The following PDE11A variants were observed in gnomAD, a reference collection of about 807,000 sequenced individuals.
The protein encoded by PDE11A is phosphodiesterase 11A.
In PDE11A, 100 loss-of-function variants were observed where a neutral mutation model predicts 100.5. The observed-to-expected ratio is 1.00, with a 90% CI of 0.85 to 1.18. The LOEUF (loss-of-function observed/expected upper bound fraction) is 1.18. Among genes scored for constraint, PDE11A ranks in the 50% most tolerant of loss-of-function variants. The pLI is 0.00. For missense variants in PDE11A, 1,141 were observed against 1,152.6 expected (o/e 0.99, Z 0.15); for synonymous variants, 381 against 420.8 (o/e 0.91, Z 1.16).
chr2:177,849,729 G>A (rs1246741438), intron 5 of PDE11A, among the ~76,000 whole-genome samples: 1 of 151,318 alleles, frequency 6.6e-6, no homozygotes, highest in Admixed American at 6.6e-5. Context: ...GGTGGAGCTT[G>A]CAGTGAGCTG....
chr2:177,669,990 T>C (rs994074675), intron 17 of PDE11A, among the ~76,000 whole-genome samples: 1 of 152,254 alleles, frequency 6.6e-6, no homozygotes, highest in South Asian at 2.1e-4. Flanking sequence ...TTTTGTTGCA[T>C]ACTTTTATGT....
chr2:178,047,205 T>C (rs925029647), intron 1 of PDE11A, among the ~76,000 whole-genome samples: 2 of 152,154 alleles, frequency 1.3e-5, no homozygotes, highest in African/African-American at 2.4e-5. Context: ...CTCATGCCTG[T>C]AATCCCAACA....
intron 2 of PDE11A, among the ~76,000 whole-genome samples, chr2:178,082,078 C>G (rs2087292011): frequency 6.6e-6 from 1 of 152,198 alleles, no homozygotes. Flanking sequence ...TCTCAATTTC[C>G]CTTTTGCATA....
chr2:178,104,416 G>A lies in PDE11A; in HGVS notation c.48C>T (p.Ala16=), dbSNP rs757631024. The A allele has an allele frequency of 5.0e-6, 8 of 1,613,826 alleles. No homozygotes were observed. The African/African-American group carries it at 1.1e-4, about 22-fold the overall frequency. ...TGATTTTCACCTTTTTCCACTGTGT[G>A]GCACTGAGCACATTTCTGAATAAAG... Residue 16 remains alanine (A), a synonymous_variant, in exon 2 of 21, where the codon GCC becomes GCT. Transcript: ENST00000358450.
intron 19 of PDE11A, among the ~76,000 whole-genome samples, chr2:177,657,726 A>T (rs1302364897): frequency 2.0e-5 from 3 of 152,120 alleles, no homozygotes; most frequent in Non-Finnish European, 4.4e-5. Flanking sequence ...CTGGCTTCAC[A>T]TTCCTTGGGG....
At chr2:177,988,910 T>C (rs1281104671) in intron 2 of PDE11A, among the ~76,000 whole-genome samples, 2 of 152,210 alleles carry the variant, frequency 1.3e-5, no homozygotes, top group Non-Finnish European at 2.9e-5. Context: ...ATTTTTACTT[T>C]GCTCAAAACT....
intron 2 of PDE11A, among the ~76,000 whole-genome samples, chr2:177,939,538 A>G (rs962519616): frequency 1.2e-4 from 10 of 85,108 alleles, no homozygotes; most frequent in Non-Finnish European, 2.8e-4. Flanking sequence ...GGAGGAAGGA[A>G]GGAAGGAAGG....
chr2:177,931,594 T>C (rs1335102016), intron 2 of PDE11A, among the ~76,000 whole-genome samples: 2 of 152,026 alleles, frequency 1.3e-5, no homozygotes, highest in Non-Finnish European at 2.9e-5. Context: ...AATAAATCTT[T>C]GAAATAAATG....
chr2:177,933,407 A>G (rs1033199899), intron 2 of PDE11A, among the ~76,000 whole-genome samples: 1 of 152,184 alleles, frequency 6.6e-6, no homozygotes, highest in Admixed American at 6.5e-5. Context: ...CAGGCTGGGC[A>G]CAGTGGCTCA....
At chr2:177,809,784 T>C (rs1194213776) in intron 9 of PDE11A, among the ~76,000 whole-genome samples, 1 of 152,110 alleles carries the variant, frequency 6.6e-6, no homozygotes, top group Non-Finnish European at 1.5e-5. Context: ...GGTGGAATGG[T>C]ACTAGACAGT....
At chr2:178,030,253 G>T (rs2086528395) in intron 1 of PDE11A, among the ~76,000 whole-genome samples, 1 of 152,204 alleles carries the variant, frequency 6.6e-6, no homozygotes, top group African/African-American at 2.4e-5. Flanking sequence ...AAATATAATG[G>T]TGTTATGAAC....
At chr2:178,021,423 C>A (rs4567975) in intron 1 of PDE11A, among the ~76,000 whole-genome samples, 76,572 of 151,916 alleles carry the variant, frequency 0.5, 20,079 homozygotes, top group East Asian at 0.71. Context: ...CAATTATGTA[C>A]TTTCTTAATA....
rs534589004 is a variant in PDE11A, at chr2:178,037,388, G to A, written c.913-22928C>T. Among the ~76,000 whole-genome samples the A allele has an allele frequency of 5.7e-4, 86 of 152,198 alleles. 5 individuals carry two copies. In the South Asian group the frequency reaches 0.017, roughly 31 times the overall value. On this transcript the variant is annotated intron_variant, in intron 1 of 19. Coordinates refer to ENST00000286063, the MANE Select transcript of PDE11A (RefSeq NM_016953.4). ...AGGAAACAATAGATGCTGGAGAGGC[G>A]GTGGAGAAATAGAAACACGTTTACA...
chr2:177,982,617 A>G (rs912131682), intron 2 of PDE11A, among the ~76,000 whole-genome samples: 2 of 150,744 alleles, frequency 1.3e-5, no homozygotes, highest in Admixed American at 6.6e-5. Context: ...GCCAATGTGA[A>G]GGGAGAAGAA....
intron 2 of PDE11A, among the ~76,000 whole-genome samples, chr2:177,963,569 C>T (rs1187769724): frequency 1.3e-5 from 2 of 152,200 alleles, no homozygotes; most frequent in Non-Finnish European, 2.9e-5. Context: ...GTTCAGCTTC[C>T]CAAGTACTAC....
At chr2:177,901,423 CT>C (rs1463811882) in intron 3 of PDE11A, among the ~76,000 whole-genome samples, 1 of 152,194 alleles carries the variant, frequency 6.6e-6, no homozygotes, top group Non-Finnish European at 1.5e-5. Context: ...ACTCCGGTGT[CT>C]GGCACAGCTG....
At chr2:177,685,081 C>A (rs767471637) in intron 15 of PDE11A, among the ~76,000 whole-genome samples, 14 of 152,070 alleles carry the variant, frequency 9.2e-5, no homozygotes, top group Non-Finnish European at 1.8e-4. Context: ...AAAGGCTTGG[C>A]CCACTTTTGT....
chr2:177,913,114 A>G (rs2084905198), intron 2 of PDE11A, among the ~76,000 whole-genome samples: 1 of 152,230 alleles, frequency 6.6e-6, no homozygotes, highest in Non-Finnish European at 1.5e-5. Flanking sequence ...TATATAAAAT[A>G]TACCTCAAGA....
chr2:177,891,028 T>C (rs1475018864), intron 4 of PDE11A, among the ~76,000 whole-genome samples: 1 of 152,230 alleles, frequency 6.6e-6, no homozygotes, highest in Non-Finnish European at 1.5e-5. Flanking sequence ...ATTTGAATTA[T>C]TTACATTTTC....
Sources: allele counts gnomAD v4.1 joint callset (sites outside exome capture counted in the v4.1 genomes callset), GRCh38; gene constraint gnomAD v4.1.1; transcripts MANE v1.5; gene names NCBI Gene and HGNC (gene_info 2026-07-23, HGNC 2026-07-21).